Variants in LRP1B observed in about 807,000 individuals in gnomAD.
LRP1B encodes the protein low-density lipoprotein receptor-related protein 1B.
Under a neutral mutation model 556.6 loss-of-function variants are expected in LRP1B, and 217 were observed. That is an observed-to-expected ratio of 0.39 (90% CI 0.35 to 0.44). The LOEUF is 0.44. LRP1B is among the 20% of genes least tolerant of loss of function. LRP1B has a pLI of 1.00. For missense variants in LRP1B, 5,053 were observed against 5,620.8 expected (o/e 0.90, Z 3.23); for synonymous variants, 2,047 against 1,865.8 (o/e 1.10, Z -2.50).
At chr2:142,129,545 C>T (rs574394498) in intron 1 of LRP1B, among the ~76,000 whole-genome samples, 1 of 151,918 alleles carries the variant, frequency 6.6e-6, no homozygotes, top group South Asian at 2.1e-4. Context: ...AACATTCTGC[C>T]TATTTGCTTG....
intron 3 of LRP1B, among the ~76,000 whole-genome samples, chr2:141,258,804 T>C (rs868443205): frequency 2.0e-5 from 3 of 152,172 alleles, no homozygotes; most frequent in South Asian, 2.1e-4. Flanking sequence ...GCTCTGGCCA[T>C]GTAAGACGTG....
intron 2 of LRP1B, among the ~76,000 whole-genome samples, chr2:141,502,886 A>T (rs1683777697): frequency 6.6e-6 from 1 of 150,856 alleles, no homozygotes; most frequent in South Asian, 2.1e-4. Flanking sequence ...AAAAATAAAA[A>T]TTAAAAATAA....
intron 35 of LRP1B, among the ~76,000 whole-genome samples, chr2:140,752,155 A>C (rs893008309): frequency 6.6e-6 from 1 of 151,952 alleles, no homozygotes; most frequent in African/African-American, 2.4e-5. Context: ...TCTCTACTAA[A>C]AATACAAAAA....
At chr2:140,938,468 A>T (rs1695295463) in intron 20 of LRP1B, among the ~76,000 whole-genome samples, 1 of 152,088 alleles carries the variant, frequency 6.6e-6, no homozygotes, top group African/African-American at 2.4e-5. Flanking sequence ...GTAAGTAGAA[A>T]TGCCTTTCTT....
intron 6 of LRP1B, among the ~76,000 whole-genome samples, chr2:141,193,122 A>T (rs1316626350): frequency 6.6e-6 from 1 of 152,048 alleles, no homozygotes; most frequent in Non-Finnish European, 1.5e-5. Flanking sequence ...GAACACTTAC[A>T]CATTGTCGAT....
chr2:140,702,605 G>A (rs1356676465), intron 37 of LRP1B, 52 bp from the exon 38 acceptor site: 1 of 1,539,680 alleles, frequency 6.5e-7, no homozygotes, highest in South Asian at 1.1e-5. Context: ...TTTGTAGTAT[G>A]CAGAGCTATG....
chr2:141,400,459 T>C (rs1173724002), intron 3 of LRP1B, among the ~76,000 whole-genome samples: 2 of 152,208 alleles, frequency 1.3e-5, no homozygotes, highest in Non-Finnish European at 2.9e-5. Context: ...CTGTTCTCTA[T>C]GTAAACTGCT....
rs187477799 is a variant in LRP1B at position 141,199,781 on chromosome 2, T to A, written c.851-11198A>T. Among the ~76,000 whole-genome samples, 388 of 152,282 alleles carry A rather than the reference T, an allele frequency of 2.5e-3. 4 individuals are homozygous for A. Among genetic ancestry groups the A allele is most frequent in the Non-Finnish European group, 4.5e-3 (305 of 68,020 alleles). ...TGGGCAAAGAACATGAACAGACATT[T>A]CTCAAAAGAAGACATACATCTGGCC... is the stretch of plus-strand genomic sequence containing the variant. On this transcript the variant is annotated intron_variant, in intron 6 of 90. Transcript: ENST00000389484.
chr2:140,323,094 A>G (rs1273335024), intron 81 of LRP1B, among the ~76,000 whole-genome samples: 1 of 152,042 alleles, frequency 6.6e-6, no homozygotes, highest in Admixed American at 6.6e-5. Flanking sequence ...CTTTCCAGAT[A>G]AATGCACCAA....
chr2:141,559,906 A>G (rs991716279), intron 2 of LRP1B, among the ~76,000 whole-genome samples: 2 of 151,690 alleles, frequency 1.3e-5, no homozygotes, highest in African/African-American at 4.8e-5. Context: ...AGGTAGAAAC[A>G]AATCGTTTCA....
intron 20 of LRP1B, among the ~76,000 whole-genome samples, chr2:140,930,359 C>A (rs1041496852): frequency 1.3e-5 from 2 of 151,958 alleles, no homozygotes; most frequent in Non-Finnish European, 2.9e-5. Context: ...GGAAATATGG[C>A]AACTGCTAGT....
chr2:140,976,121 T>C (rs1696588560), intron 18 of LRP1B, among the ~76,000 whole-genome samples: 1 of 151,994 alleles, frequency 6.6e-6, no homozygotes, highest in Admixed American at 6.6e-5. Flanking sequence ...GATCTGGCCA[T>C]GTTTCTCAGG....
intron 37 of LRP1B, among the ~76,000 whole-genome samples, chr2:140,712,581 GC>G (rs1687071325): frequency 1.3e-5 from 2 of 151,868 alleles, no homozygotes; most frequent in South Asian, 4.2e-4. Flanking sequence ...ATGAATATGT[GC>G]AATATCCCCA....
intron 1 of LRP1B, among the ~76,000 whole-genome samples, chr2:141,907,528 T>C (rs1029796133): frequency 2.0e-5 from 3 of 151,920 alleles, no homozygotes; most frequent in African/African-American, 7.2e-5. Flanking sequence ...TTAATTAGAG[T>C]AAGAAACTAA....
At chr2:141,095,830 T>G (rs1355925089) in intron 7 of LRP1B, among the ~76,000 whole-genome samples, 2 of 152,024 alleles carry the variant, frequency 1.3e-5, no homozygotes, top group African/African-American at 4.8e-5. Context: ...ATTGGTTCCC[T>G]CCTCCATCTG....
intron 2 of LRP1B, among the ~76,000 whole-genome samples, chr2:141,753,785 T>C (rs901032084): frequency 2.0e-5 from 3 of 152,176 alleles, no homozygotes; most frequent in African/African-American, 4.8e-5. Flanking sequence ...AATTACACTA[T>C]ATAAAATCAC....
chr2:140,625,254 G>T (rs2105261967), intron 41 of LRP1B, among the ~76,000 whole-genome samples: 1 of 152,318 alleles, frequency 6.6e-6, no homozygotes. Context: ...AGTGATAAAT[G>T]ATCATAAATT....
At chr2:141,012,308 C>A (rs933126984) in intron 14 of LRP1B, among the ~76,000 whole-genome samples, 2 of 152,018 alleles carry the variant, frequency 1.3e-5, no homozygotes, top group African/African-American at 2.4e-5. Context: ...AAAATGTGAT[C>A]GTATATTGAT....
intron 1 of LRP1B, among the ~76,000 whole-genome samples, chr2:141,966,659 G>A (rs1701574651): frequency 2.0e-5 from 3 of 150,220 alleles, no homozygotes; most frequent in Admixed American, 2.0e-4. Flanking sequence ...ATCTCGGGGG[G>A]CTGCTGGTAC....
Sources: gnomAD v4.1 joint callset for allele counts (sites outside exome capture counted in the v4.1 genomes callset) on GRCh38, gnomAD v4.1.1 for gene constraint, MANE v1.5 for transcripts, NCBI Gene and HGNC (gene_info 2026-07-23, HGNC 2026-07-21) for gene names.